The following PCDH7 variants were observed in gnomAD, a reference collection of about 807,000 sequenced individuals.
PCDH7 encodes the protein protocadherin-7.
A neutral mutation model predicts 58.9 loss-of-function variants in PCDH7; 17 were observed. The ratio of observed to expected loss-of-function variants is 0.29; its 90% CI spans 0.20 to 0.43. The LOEUF (loss-of-function observed/expected upper bound fraction) is 0.43. Among genes scored for constraint, PCDH7 ranks in the 20% least tolerant of loss-of-function variants. PCDH7 has a pLI of 1.00. For missense variants in PCDH7, 1,274 were observed against 1,441.0 expected, an observed-to-expected ratio of 0.88 and a Z score of 1.88; for synonymous variants, 664 against 616.4, an observed-to-expected ratio of 1.08 and a Z score of -1.14.
At chr4:30,781,964 T>C (rs1722862668) in intron 1 of PCDH7, among the ~76,000 whole-genome samples, 5 of 152,222 alleles carry the variant, frequency 3.3e-5, no homozygotes. Flanking sequence ...TGTAAATGGG[T>C]ATAGACTTCC....
chr4:30,877,611 C>A (rs1736459046), intron 1 of PCDH7, among the ~76,000 whole-genome samples: 1 of 152,184 alleles, frequency 6.6e-6, no homozygotes, highest in South Asian at 2.1e-4. Context: ...AGGCAATTTC[C>A]ATTTCTAATA....
intron 3 of PCDH7, among the ~76,000 whole-genome samples, chr4:30,973,558 A>C (rs911728377): frequency 2.6e-5 from 4 of 152,222 alleles, no homozygotes; most frequent in Admixed American, 6.5e-5. Flanking sequence ...AAAGCCAAGC[A>C]TTAAGATTAC....
chr4:31,107,558 A>G (rs1393377118), intron 3 of PCDH7, among the ~76,000 whole-genome samples: 2 of 152,192 alleles, frequency 1.3e-5, no homozygotes, highest in Admixed American at 1.3e-4. Context: ...CAAAATGATA[A>G]GAGATGTCAG....
chr4:30,893,887 A>T (rs541457447), intron 1 of PCDH7, among the ~76,000 whole-genome samples: 2 of 152,228 alleles, frequency 1.3e-5, no homozygotes, highest in African/African-American at 4.8e-5. Flanking sequence ...TTAAATGTCT[A>T]GGGAGCAGTG....
intron 3 of PCDH7, among the ~76,000 whole-genome samples, chr4:30,996,209 T>G (rs948874247): frequency 3.9e-5 from 6 of 152,200 alleles, no homozygotes. Context: ...GTCTAACACA[T>G]GCTGACTATC....
intron 3 of PCDH7, among the ~76,000 whole-genome samples, chr4:31,128,593 C>T (rs996335262): frequency 3.9e-5 from 6 of 152,068 alleles, no homozygotes; most frequent in Non-Finnish European, 7.4e-5. Context: ...AACTAGAAGT[C>T]GTGACAACGC....
chr4:30,935,950 G>A (rs1454306427), intron 2 of PCDH7, among the ~76,000 whole-genome samples: 3 of 152,090 alleles, frequency 2.0e-5, no homozygotes, highest in African/African-American at 4.8e-5. Flanking sequence ...AAGGCACCAC[G>A]TCATCACAGT....
intron 1 of PCDH7, among the ~76,000 whole-genome samples, chr4:30,816,138 T>A (rs1727639816): frequency 6.6e-6 from 1 of 152,198 alleles, no homozygotes; most frequent in Non-Finnish European, 1.5e-5. Flanking sequence ...ATCTTCTTGA[T>A]TTTTTTAATA....
At chr4:31,067,201 A>C (rs1461701375) in intron 3 of PCDH7, among the ~76,000 whole-genome samples, 1 of 151,940 alleles carries the variant, frequency 6.6e-6, no homozygotes, top group African/African-American at 2.4e-5. Context: ...AGTTTGGAAG[A>C]ATTTGAACTT....
intron 1 of PCDH7, among the ~76,000 whole-genome samples, chr4:30,775,562 A>T (rs1006724123): frequency 6.6e-6 from 1 of 152,144 alleles, no homozygotes; most frequent in African/African-American, 2.4e-5. Context: ...TCTTGTAATC[A>T]TTATTTCGAA....
At chr4:31,091,775 C>T (rs1713286493) in intron 3 of PCDH7, among the ~76,000 whole-genome samples, 1 of 151,940 alleles carries the variant, frequency 6.6e-6, no homozygotes, top group African/African-American at 2.4e-5. Context: ...TCCACTTTGA[C>T]ATTTGTGAAT....
chr4:30,807,064 G>A lies in PCDH7; in HGVS notation c.70+82468G>A, dbSNP rs149320537. ...TTTTCATATTTGCAAATGTTGACAC[G>A]CATAAAATAGTAGTTGTTTTGGATC... On this transcript the variant is annotated intron_variant, in intron 1 of 3. Transcript: ENST00000509759. Among the ~76,000 whole-genome samples the A allele has an allele frequency of 4.4e-3, 672 of 152,188 alleles. 6 individuals carry two copies. The highest frequency in any genetic ancestry group is 0.015 in the African/African-American group (634 of 41,524).
At chr4:30,851,741 A>T (rs73214908) in intron 1 of PCDH7, among the ~76,000 whole-genome samples, 13,571 of 152,116 alleles carry the variant, frequency 0.089, 768 homozygotes, top group Non-Finnish European at 0.12. Context: ...AAGAAGAAGT[A>T]ACCATTACTT....
At chr4:31,107,609 C>T (rs569386209) in intron 3 of PCDH7, among the ~76,000 whole-genome samples, 1 of 152,266 alleles carries the variant, frequency 6.6e-6, no homozygotes, top group Non-Finnish European at 1.5e-5. Flanking sequence ...AGTTAGTCAT[C>T]TGGGATGAGA....
chr4:30,793,591 C>T (rs946350952), intron 1 of PCDH7, among the ~76,000 whole-genome samples: 1 of 151,664 alleles, frequency 6.6e-6, no homozygotes, highest in African/African-American at 2.4e-5. Context: ...TGTCACATAC[C>T]AGCAGAATTA....
At chr4:31,045,424 G>A (rs73216798) in intron 3 of PCDH7, among the ~76,000 whole-genome samples, 12,985 of 151,892 alleles carry the variant, frequency 0.085, 613 homozygotes, top group Middle Eastern at 0.13. Context: ...AGCCATTTCC[G>A]TAGTGAACAT....
chr4:30,723,286 A>G lies in PCDH7; in HGVS notation c.1864A>G (p.Ser622Gly). ...CAAAGGCATCCCCGTGCTGCAGGGC[A>G]GCACTACGGTGATTGTGCAGGTGGC... Residue 622 changes from serine to glycine, a missense_variant, in exon 1 of 2, where the codon AGC (serine) becomes GGC (glycine). Transcript: ENST00000361762. The surrounding 1 kb of genome is among the most constrained non-coding windows in gnomAD (Gnocchi z 4.6). The G allele has an allele frequency of 6.2e-7, 1 of 1,614,232 alleles. No individual in the cohort carries two copies. Among genetic ancestry groups the G allele is most frequent in the Admixed American group, 1.7e-5 (1 of 60,018 alleles).
At chr4:31,077,073 A>G (rs963660239) in intron 3 of PCDH7, among the ~76,000 whole-genome samples, 2 of 152,212 alleles carry the variant, frequency 1.3e-5, no homozygotes, top group African/African-American at 4.8e-5. Context: ...ATATATGCAT[A>G]TATGTATATA....
intron 2 of PCDH7, among the ~76,000 whole-genome samples, chr4:30,929,475 C>T (rs570714469): frequency 6.6e-6 from 1 of 151,874 alleles, no homozygotes; most frequent in African/African-American, 2.4e-5. Flanking sequence ...ATTGTAAGTT[C>T]GTTATAAGAA....
Sources: allele counts gnomAD v4.1 joint callset (sites outside exome capture counted in the v4.1 genomes callset), GRCh38; gene constraint gnomAD v4.1.1; non-coding constraint Gnocchi (gnomAD v3.1); transcripts MANE v1.5; gene names NCBI Gene and HGNC (gene_info 2026-07-23, HGNC 2026-07-21).